GRM8: variants seen among roughly 807,000 people sequenced by gnomAD.
GRM8 encodes glutamate metabotropic receptor 8.
Under a neutral mutation model 87.2 loss-of-function variants are expected in GRM8, and 47 were observed. That is an observed-to-expected ratio of 0.54 (90% CI 0.43 to 0.69). The LOEUF (loss-of-function observed/expected upper bound fraction) is 0.69. Among genes scored for constraint, GRM8 ranks in the 30% least tolerant of loss-of-function variants. The probability of loss-of-function intolerance (pLI) is 0.00; values close to 1 mark genes in which losing one functional copy is unlikely to be tolerated. For missense variants in GRM8, 1,019 were observed against 1,139.2 expected, an observed-to-expected ratio of 0.89 and a Z score of 1.52; for synonymous variants, 396 against 404.5, an observed-to-expected ratio of 0.98 and a Z score of 0.25.
At chr7:126,695,954 A>G (rs1057413002) in intron 7 of GRM8, among the ~76,000 whole-genome samples, 1 of 152,178 alleles carries the variant, frequency 6.6e-6, no homozygotes, top group African/African-American at 2.4e-5. Flanking sequence ...AAGAGGCAAC[A>G]TATGATCACT....
At chr7:127,249,614 T>A (rs1470700423) in intron 1 of GRM8, among the ~76,000 whole-genome samples, 1 of 152,044 alleles carries the variant, frequency 6.6e-6, no homozygotes, top group Non-Finnish European at 1.5e-5. Context: ...TGGGTGAGTT[T>A]GTCGCAATTT....
chr7:126,582,100 G>A (rs752330487), intron 8 of GRM8, among the ~76,000 whole-genome samples: 4 of 152,176 alleles, frequency 2.6e-5, no homozygotes, highest in Non-Finnish European at 5.9e-5. Flanking sequence ...ATCAAAAGCT[G>A]AGACAGATAA....
chr7:126,683,740 G>A (rs578154599), intron 7 of GRM8, among the ~76,000 whole-genome samples: 30 of 152,286 alleles, frequency 2.0e-4, no homozygotes, highest in African/African-American at 7.2e-4. Context: ...TGTCCAGACA[G>A]GAGTCTGGAA....
intron 6 of GRM8, among the ~76,000 whole-genome samples, chr7:126,809,165 A>G (rs1471318291): frequency 6.6e-6 from 1 of 152,096 alleles, no homozygotes; most frequent in African/African-American, 2.4e-5. Context: ...AATCTCTCTA[A>G]CACAAGCCTT....
chr7:126,929,706 T>C (rs1294508151), intron 3 of GRM8, among the ~76,000 whole-genome samples: 1 of 152,134 alleles, frequency 6.6e-6, no homozygotes, highest in East Asian at 1.9e-4. Flanking sequence ...AGTGCTGGGA[T>C]TACAGGCATG....
intron 2 of GRM8, among the ~76,000 whole-genome samples, chr7:127,196,134 A>G (rs974994037): frequency 6.6e-6 from 1 of 152,200 alleles, no homozygotes; most frequent in African/African-American, 2.4e-5. Flanking sequence ...ATAATGTGAC[A>G]TTCAAGTTTG....
Position 126,852,615 on chromosome 7 carries a change from T to C in GRM8, c.1156+49927A>G, listed in dbSNP as rs565436358. 1.5e-4 allele frequency among the ~76,000 whole-genome samples: 23 copies of C among 152,302 alleles called. No homozygotes were observed. In the South Asian group the frequency reaches 4.8e-3, roughly 32 times the overall value. On this transcript the variant is annotated intron_variant, in intron 6 of 10. Transcript: ENST00000339582. ...ATTGCTTTTGTGCCAAATTGGAACA[T>C]TTAATAAACCTTCTTAGAAATCTTA...
At chr7:126,768,982 C>T (rs913794306) in intron 7 of GRM8, among the ~76,000 whole-genome samples, 1 of 150,308 alleles carries the variant, frequency 6.7e-6, no homozygotes, top group African/African-American at 2.5e-5. Flanking sequence ...TTGAAGATGA[C>T]CTCGTGCTTT....
chr7:126,542,190 T>C (rs1816617587), intron 8 of GRM8, among the ~76,000 whole-genome samples: 2 of 152,202 alleles, frequency 1.3e-5, no homozygotes, highest in African/African-American at 4.8e-5. Flanking sequence ...CCACCCAGTC[T>C]GTGGTACTTT....
At chr7:127,188,704 C>A (rs1280689564) in intron 2 of GRM8, among the ~76,000 whole-genome samples, 1 of 152,200 alleles carries the variant, frequency 6.6e-6, no homozygotes, top group African/African-American at 2.4e-5. Context: ...TGGTATAGTG[C>A]TTATCAAATA....
At chr7:127,043,171 T>G (rs1586835069) in intron 3 of GRM8, among the ~76,000 whole-genome samples, 1 of 152,234 alleles carries the variant, frequency 6.6e-6, no homozygotes, top group Non-Finnish European at 1.5e-5. Flanking sequence ...TTGGTGGGAC[T>G]GTAAACTAGT....
At chr7:126,979,154 A>T (rs1254950860) in intron 3 of GRM8, among the ~76,000 whole-genome samples, 1 of 152,194 alleles carries the variant, frequency 6.6e-6, no homozygotes, top group African/African-American at 2.4e-5. Flanking sequence ...TCAATACATG[A>T]TATTGATATG....
rs191925841 is a variant in GRM8, at chr7:126,439,800, T to C, written c.2678-632A>G. Among the ~76,000 whole-genome samples the C allele has an allele frequency of 5.0e-5, 7 of 138,738 alleles. No homozygotes were observed. The East Asian group carries it at 1.2e-3, about 23-fold the overall frequency. 91.0% of individuals were successfully genotyped at this position (138,738 alleles called of 152,430 possible). A position where few individuals can be genotyped will look rare whatever the true frequency, so the allele number is the denominator to read the frequency against. On this transcript the variant is annotated intron_variant, in intron 10 of 10. Coordinates refer to ENST00000339582, the MANE Select transcript of GRM8 (RefSeq NM_000845.3). The stretch of plus-strand genomic sequence containing the variant: ...ATGGAGATGGAAGTGATATTGATAA[T>C]CCTGACCCTGTGGAGGCCTAGGCTA...
intron 6 of GRM8, among the ~76,000 whole-genome samples, chr7:126,878,039 G>A (rs926289950): frequency 4.6e-5 from 7 of 152,116 alleles, no homozygotes; most frequent in African/African-American, 1.7e-4. Context: ...ACGGAGTGAT[G>A]AGCCCTGAAT....
intron 8 of GRM8, among the ~76,000 whole-genome samples, chr7:126,552,473 A>C (rs1792694165): frequency 6.6e-6 from 1 of 152,180 alleles, no homozygotes; most frequent in African/African-American, 2.4e-5. Flanking sequence ...AACATAATAA[A>C]GCAAATATGT....
intron 3 of GRM8, among the ~76,000 whole-genome samples, chr7:127,086,987 TAA>T (rs1324589260): frequency 6.6e-6 from 1 of 152,146 alleles, no homozygotes; most frequent in East Asian, 1.9e-4. Context: ...GGGAGAAAAC[TAA>T]AGTTTCTCCA....
intron 2 of GRM8, among the ~76,000 whole-genome samples, chr7:127,149,182 A>G (rs559668451): frequency 4.6e-5 from 7 of 152,208 alleles, no homozygotes; most frequent in African/African-American, 1.4e-4. Flanking sequence ...TATATCTGAT[A>G]AGGAGTTAAT....
At chr7:127,246,502 C>T (rs1798590691) in intron 1 of GRM8, among the ~76,000 whole-genome samples, 1 of 152,188 alleles carries the variant, frequency 6.6e-6, no homozygotes, top group Non-Finnish European at 1.5e-5. Context: ...CCTCTCAGCA[C>T]TATGTCTGGG....
intron 9 of GRM8, among the ~76,000 whole-genome samples, chr7:126,483,086 C>T (rs1806894645): frequency 6.8e-6 from 1 of 147,598 alleles, no homozygotes; most frequent in Admixed American, 6.8e-5. Flanking sequence ...ACATATATAA[C>T]TATATTTATT....
Sources: gnomAD v4.1 joint callset for allele counts (sites outside exome capture counted in the v4.1 genomes callset) on GRCh38, gnomAD v4.1.1 for gene constraint, MANE v1.5 for transcripts, NCBI Gene and HGNC (gene_info 2026-07-23, HGNC 2026-07-21) for gene names.